The following KHDRBS2 variants were observed in gnomAD, a reference collection of about 807,000 sequenced individuals.
The protein encoded by KHDRBS2 is KH domain-containing, RNA-binding, signal transduction-associated protein 2.
A neutral mutation model predicts 44.3 loss-of-function variants in KHDRBS2; 26 were observed. That is an observed-to-expected ratio of 0.59 (90% CI 0.43 to 0.81). KHDRBS2 has a LOEUF of 0.81. Among genes scored for constraint, KHDRBS2 ranks in the 40% least tolerant of loss-of-function variants. The probability of loss-of-function intolerance (pLI) is 0.00; values close to 1 mark genes in which losing one functional copy is unlikely to be tolerated. For synonymous variants in KHDRBS2, 194 were observed against 151.1 expected (o/e 1.28, Z -2.08); for missense variants, 476 against 433.1 (o/e 1.10, Z -0.88).
chr6:62,054,885 C>G (rs539234263), intron 2 of KHDRBS2, among the ~76,000 whole-genome samples: 2 of 151,794 alleles, frequency 1.3e-5, no homozygotes, highest in Non-Finnish European at 2.9e-5. Flanking sequence ...GTTATAGAAG[C>G]GATAGGAAAC....
chr6:62,195,077 A>C (rs1825403411), intron 1 of KHDRBS2, among the ~76,000 whole-genome samples: 1 of 152,150 alleles, frequency 6.6e-6, no homozygotes, highest in South Asian at 2.1e-4. Flanking sequence ...ATACATTTAC[A>C]TTTAATTAGG....
intron 1 of KHDRBS2, among the ~76,000 whole-genome samples, chr6:62,257,122 T>TTAAG (rs1214512828): frequency 2.0e-5 from 3 of 152,074 alleles, no homozygotes; most frequent in Admixed American, 6.6e-5. Flanking sequence ...CCAAGGTAAA[T>TTAAG]TAAGGTGTAA....
intron 6 of KHDRBS2, among the ~76,000 whole-genome samples, chr6:61,801,332 T>A (rs1264301667): frequency 6.6e-6 from 1 of 152,088 alleles, no homozygotes; most frequent in East Asian, 1.9e-4. Flanking sequence ...TGAAATAAAA[T>A]GGTGCTAAAA....
chr6:61,962,827 G>C (rs1475868007), intron 4 of KHDRBS2, among the ~76,000 whole-genome samples: 3 of 152,044 alleles, frequency 2.0e-5, no homozygotes, highest in African/African-American at 2.4e-5. Flanking sequence ...TAGAACCTTT[G>C]TTCCATCAAC....
intron 2 of KHDRBS2, among the ~76,000 whole-genome samples, chr6:62,124,099 T>C (rs2150084861): frequency 6.6e-6 from 1 of 152,312 alleles, no homozygotes; most frequent in Non-Finnish European, 1.5e-5. Context: ...CTCATCTTAC[T>C]TGACTGCTTT....
At chr6:61,546,791 A>G in the KHDRBS2 span, among the ~76,000 whole-genome samples, 3 of 152,156 alleles carry the variant, frequency 2.0e-5, no homozygotes, top group Non-Finnish European at 4.4e-5. Context: ...CAAATAGGGT[A>G]GTGTCACTGA....
intron 6 of KHDRBS2, among the ~76,000 whole-genome samples, chr6:61,741,145 T>C (rs1562071120): frequency 6.6e-6 from 1 of 151,874 alleles, no homozygotes; most frequent in African/African-American, 2.4e-5. Context: ...ATGTTTTTTG[T>C]TTTTTTGTTT....
chr6:61,569,766 C>G, the KHDRBS2 span, among the ~76,000 whole-genome samples: 2 of 152,184 alleles, frequency 1.3e-5, no homozygotes, highest in African/African-American at 4.8e-5. Flanking sequence ...CACAGACATT[C>G]TGCAGCATCA....
intron 1 of KHDRBS2, among the ~76,000 whole-genome samples, chr6:62,240,547 T>G (rs1469111874): frequency 6.6e-6 from 1 of 150,442 alleles, no homozygotes; most frequent in Non-Finnish European, 1.5e-5. Flanking sequence ...TATATAATAT[T>G]TATAAGCATC....
At chr6:62,117,782 T>G (rs1806623979) in intron 2 of KHDRBS2, among the ~76,000 whole-genome samples, 1 of 151,988 alleles carries the variant, frequency 6.6e-6, no homozygotes, top group African/African-American at 2.4e-5. Context: ...TCAAATATTT[T>G]ATTTTTTTTT....
At chr6:61,614,846 A>T in the KHDRBS2 span, among the ~76,000 whole-genome samples, 2 of 152,204 alleles carry the variant, frequency 1.3e-5, no homozygotes, top group South Asian at 4.1e-4. Context: ...CTATGACTTA[A>T]GCAAGTGAAC....
intron 6 of KHDRBS2, among the ~76,000 whole-genome samples, chr6:61,825,755 T>C (rs1790756094): frequency 6.6e-6 from 1 of 152,026 alleles, no homozygotes; most frequent in Admixed American, 6.6e-5. Context: ...CCACCATCTG[T>C]TGTCTATGTG....
intron 1 of KHDRBS2, among the ~76,000 whole-genome samples, chr6:62,234,489 T>A (rs978687239): frequency 6.6e-6 from 1 of 152,130 alleles, no homozygotes; most frequent in East Asian, 1.9e-4. Flanking sequence ...TTTCATTATA[T>A]CCAATATTCT....
At chr6:61,852,755 T>G (rs1795636212) in intron 6 of KHDRBS2, among the ~76,000 whole-genome samples, 1 of 152,154 alleles carries the variant, frequency 6.6e-6, no homozygotes, top group Admixed American at 6.6e-5. Context: ...ATACAATGGC[T>G]TAGCAATTCC....
the KHDRBS2 span, among the ~76,000 whole-genome samples, chr6:61,639,296 T>C: frequency 0.59 from 89,732 of 151,820 alleles, 26,732 homozygotes; most frequent in African/African-American, 0.61. Flanking sequence ...CTACTTATCT[T>C]TTAGGCATAT....
the KHDRBS2 span, among the ~76,000 whole-genome samples, chr6:61,595,968 CA>C: frequency 6.6e-6 from 1 of 152,094 alleles, no homozygotes; most frequent in Non-Finnish European, 1.5e-5. Flanking sequence ...CAAGTACCCA[CA>C]AAAGGCATCA....
chr6:61,776,379 C>T (rs1196940898), intron 6 of KHDRBS2, among the ~76,000 whole-genome samples: 144 of 151,814 alleles, frequency 9.5e-4, no homozygotes, highest in African/African-American at 3.4e-3. Flanking sequence ...AGAAAATTTT[C>T]ACAACCTACT....
Position 61,739,026 on chromosome 6 carries a change from CGT to C in KHDRBS2, c.811-6264_811-6263del, listed in dbSNP as rs1562067025. Reference sequence around the variant, plus strand: ...TTGCCTCTCCAAAAAATTGTATGCACGTGTGTCTATGCACATATACATACAAA... The same window carrying C: ...TTGCCTCTCCAAAAAATTGTATGCACGTGTCTATGCACATATACATACAAA... On this transcript the variant is annotated intron_variant, in intron 6 of 8. Coordinates refer to ENST00000281156, the MANE Select transcript of KHDRBS2 (RefSeq NM_152688.4). 2.0e-5 allele frequency among the ~76,000 whole-genome samples: 3 copies of C among 151,778 alleles called. No homozygotes were observed. In the Admixed American group the frequency reaches 2.0e-4, roughly 10 times the overall value.
chr6:62,163,083 A>G (rs1817980271), intron 2 of KHDRBS2, among the ~76,000 whole-genome samples: 1 of 152,018 alleles, frequency 6.6e-6, no homozygotes, highest in African/African-American at 2.4e-5. Context: ...GTAGACAGAG[A>G]AGAGCACCAT....
Sources: gnomAD v4.1 joint callset for allele counts (sites outside exome capture counted in the v4.1 genomes callset) on GRCh38, gnomAD v4.1.1 for gene constraint, MANE v1.5 for transcripts, NCBI Gene and HGNC (gene_info 2026-07-23, HGNC 2026-07-21) for gene names.